Variants in CMSS1 observed in about 807,000 individuals in gnomAD.
The protein encoded by CMSS1 is protein CMSS1.
Under a neutral mutation model 43.5 loss-of-function variants are expected in CMSS1, and 33 were observed. The observed-to-expected ratio is 0.76, with a 90% CI of 0.57 to 1.01. The LOEUF (loss-of-function observed/expected upper bound fraction) is 1.01, where lower values mean the gene tolerates loss of function less well. Ranked by LOEUF, CMSS1 falls within the 50% of genes least tolerant of loss-of-function variation. The pLI is 0.00. For missense variants in CMSS1, 313 were observed against 326.4 expected (o/e 0.96, Z 0.32); for synonymous variants, 115 against 117.2 (o/e 0.98, Z 0.12).
chr3:99,861,559 G>C (rs1045896012), intron 1 of CMSS1, among the ~76,000 whole-genome samples: 2 of 152,068 alleles, frequency 1.3e-5, no homozygotes, highest in Non-Finnish European at 2.9e-5. Flanking sequence ...AGTTGATTTT[G>C]TACTCTCTGT....
intron 1 of CMSS1, among the ~76,000 whole-genome samples, chr3:99,834,626 T>G (rs1015035074): frequency 9.2e-5 from 14 of 152,360 alleles, no homozygotes; most frequent in South Asian, 4.1e-4. Context: ...ATCTGTGAAC[T>G]TTTTTCCTTT....
chr3:99,981,896 C>A (rs1394817950), intron 1 of CMSS1, among the ~76,000 whole-genome samples: 3 of 152,246 alleles, frequency 2.0e-5, no homozygotes, highest in South Asian at 4.1e-4. Flanking sequence ...CCCAGCAAGG[C>A]GGGAGGATCG....
At position 100,166,322 on chromosome 3, in the gene CMSS1, AT is replaced by A; in HGVS notation, c.356-11del. The stretch of plus-strand genomic sequence containing the variant: ...ACAAAATTATCTACAAAGCATGTTT[AT>A]TATATTTCTAGACTCCTGTTTCCTC... On this transcript the variant is annotated splice_polypyrimidine_tract_variant and intron_variant, in intron 4 of 9. Transcript: ENST00000421999. 1 of 1,561,700 alleles carries A rather than the reference AT, an allele frequency of 6.4e-7. No individual in the cohort carries two copies. The highest frequency in any genetic ancestry group is 8.8e-7 in the Non-Finnish European group (1 of 1,132,876).
chr3:100,074,100 A>G (rs530128929), intron 1 of CMSS1, among the ~76,000 whole-genome samples: 65 of 152,160 alleles, frequency 4.3e-4, no homozygotes, highest in African/African-American at 1.5e-3. Flanking sequence ...ACTGGAAAAT[A>G]TGAGGCAGAT....
intron 1 of CMSS1, among the ~76,000 whole-genome samples, chr3:99,932,924 A>G (rs768136378): frequency 1.3e-5 from 2 of 152,198 alleles, no homozygotes; most frequent in Admixed American, 6.5e-5. Flanking sequence ...TTCAGGTCCA[A>G]TGACCTGATC....
At chr3:99,969,023 G>C (rs1378392055) in intron 1 of CMSS1, among the ~76,000 whole-genome samples, 1 of 152,136 alleles carries the variant, frequency 6.6e-6, no homozygotes, top group Non-Finnish European at 1.5e-5. Flanking sequence ...TTAGAGGAAA[G>C]AGTAAATAGG....
chr3:100,022,032 T>C (rs1171823517), intron 1 of CMSS1, among the ~76,000 whole-genome samples: 1 of 151,110 alleles, frequency 6.6e-6, no homozygotes, highest in East Asian at 2.0e-4. Context: ...GTTATACCCA[T>C]TTCCTTTTTC....
At chr3:99,966,822 G>A (rs928994826) in intron 1 of CMSS1, among the ~76,000 whole-genome samples, 4 of 152,182 alleles carry the variant, frequency 2.6e-5, no homozygotes, top group African/African-American at 9.6e-5. Flanking sequence ...ATTCAACAGA[G>A]CATGCCGTAC....
intron 1 of CMSS1, among the ~76,000 whole-genome samples, chr3:99,948,649 G>C (rs1305855638): frequency 2.0e-5 from 3 of 147,522 alleles, no homozygotes; most frequent in Non-Finnish European, 4.5e-5. Context: ...GAGGGAGAAA[G>C]AAAGAGGGGA....
At chr3:100,146,944 T>G in intron 1 of CMSS1, 29 bp from the exon 2 acceptor site, 1 of 1,605,664 alleles carries the variant, frequency 6.2e-7, no homozygotes, top group South Asian at 1.1e-5. Context: ...AGAGAGACTT[T>G]TCTGATTTTC....
At chr3:100,037,037 A>G (rs979800272) in intron 1 of CMSS1, among the ~76,000 whole-genome samples, 26 of 152,214 alleles carry the variant, frequency 1.7e-4, no homozygotes, top group Admixed American at 9.2e-4. Flanking sequence ...CCAAAGAGAC[A>G]TAAAAACTAA....
At chr3:99,981,442 T>C (rs559515272) in intron 1 of CMSS1, among the ~76,000 whole-genome samples, 1 of 152,308 alleles carries the variant, frequency 6.6e-6, no homozygotes, top group South Asian at 2.1e-4. Flanking sequence ...ATGTCCTGTT[T>C]CTCTGGCCAC....
intron 1 of CMSS1, among the ~76,000 whole-genome samples, chr3:99,957,441 C>G (rs1205496924): frequency 6.6e-6 from 1 of 151,920 alleles, no homozygotes; most frequent in Non-Finnish European, 1.5e-5. Flanking sequence ...TATGTATCTA[C>G]ACATATGTGT....
intron 1 of CMSS1, among the ~76,000 whole-genome samples, chr3:100,074,675 ATTTTTTTTTTTTTT>A (rs555819875): frequency 6.3e-4 from 22 of 34,802 alleles, no homozygotes; most frequent in South Asian, 3.3e-3. Context: ...GCAACATTTG[ATTTTTTTTTTTTTT>A]TTTTTTTTTT....
At chr3:99,856,263 GTGT>G (rs1943961001) in intron 1 of CMSS1, among the ~76,000 whole-genome samples, 1 of 152,238 alleles carries the variant, frequency 6.6e-6, no homozygotes, top group Non-Finnish European at 1.5e-5. Flanking sequence ...TGTTTTGAAA[GTGT>G]TGTTGGAAAA....
At chr3:99,912,269 A>G (rs890162016) in intron 1 of CMSS1, among the ~76,000 whole-genome samples, 4 of 152,224 alleles carry the variant, frequency 2.6e-5, no homozygotes, top group Non-Finnish European at 4.4e-5. Flanking sequence ...GTATGATTCC[A>G]TTTATGTGAA....
At chr3:100,171,585 A>T (rs984645870) in intron 6 of CMSS1, among the ~76,000 whole-genome samples, 1 of 152,234 alleles carries the variant, frequency 6.6e-6, no homozygotes, top group Non-Finnish European at 1.5e-5. Flanking sequence ...TCAGTAATCA[A>T]GGAAGCCTAA....
At chr3:99,928,964 A>G (rs1017657949) in intron 1 of CMSS1, among the ~76,000 whole-genome samples, 4 of 152,254 alleles carry the variant, frequency 2.6e-5, no homozygotes, top group Admixed American at 1.3e-4. Context: ...CTCTTCTCTC[A>G]TGAGATACTA....
At chr3:99,909,869 T>C (rs916033772) in intron 1 of CMSS1, among the ~76,000 whole-genome samples, 1 of 152,212 alleles carries the variant, frequency 6.6e-6, no homozygotes, top group African/African-American at 2.4e-5. Context: ...GCAACCCCTT[T>C]CCTGTTCTTT....
Sources: gnomAD v4.1 joint callset for allele counts (sites outside exome capture counted in the v4.1 genomes callset) on GRCh38, gnomAD v4.1.1 for gene constraint, MANE v1.5 for transcripts, NCBI Gene and HGNC (gene_info 2026-07-23, HGNC 2026-07-21) for gene names.